ZNF407: variants seen among roughly 807,000 people sequenced by gnomAD.
ZNF407 encodes zinc finger protein 407.
In ZNF407, 17 loss-of-function variants were observed where a neutral mutation model predicts 131.2. That is an observed-to-expected ratio of 0.13 (90% CI 0.09 to 0.19). ZNF407 has a LOEUF of 0.19. ZNF407 is among the 10% of genes least tolerant of loss of function. The pLI, the probability that ZNF407 is intolerant of heterozygous loss-of-function variation, is 1.00. For synonymous variants in ZNF407, 1,156 were observed against 1,062.0 expected (o/e 1.09, Z -1.72); for missense variants, 2,681 against 2,830.6 (o/e 0.95, Z 1.20).
At chr18:74,946,658 T>C (rs1420021275) in intron 8 of ZNF407, among the ~76,000 whole-genome samples, 4 of 152,198 alleles carry the variant, frequency 2.6e-5, no homozygotes, top group African/African-American at 7.2e-5. Context: ...TTTCTTAGAT[T>C]GAAACTGAAA....
chr18:74,941,876 G>A (rs991659996), intron 8 of ZNF407, among the ~76,000 whole-genome samples: 9 of 152,164 alleles, frequency 5.9e-5, no homozygotes, highest in Non-Finnish European at 1.0e-4. Flanking sequence ...GTATTCCAGG[G>A]CTCGAGTTAT....
chr18:74,935,503 C>A (rs1972029831), intron 8 of ZNF407, among the ~76,000 whole-genome samples: 1 of 152,112 alleles, frequency 6.6e-6, no homozygotes, highest in Non-Finnish European at 1.5e-5. Context: ...ATAGAATCCC[C>A]CTCATGCACA....
chr18:74,680,277 C>T (rs1966951359), intron 3 of ZNF407, among the ~76,000 whole-genome samples: 1 of 151,832 alleles, frequency 6.6e-6, no homozygotes. Flanking sequence ...GGTATTGTGG[C>T]ACACACTTGT....
chr18:75,000,454 C>T (rs1247545852), intron 8 of ZNF407, among the ~76,000 whole-genome samples: 8 of 152,102 alleles, frequency 5.3e-5, no homozygotes, highest in East Asian at 1.9e-4. Context: ...TGGTCATATC[C>T]GTCAGGGCGT....
intron 4 of ZNF407, among the ~76,000 whole-genome samples, chr18:74,787,628 C>G (rs187563989): frequency 1.3e-5 from 2 of 152,276 alleles, no homozygotes; most frequent in African/African-American, 4.8e-5. Flanking sequence ...AATGCGACAT[C>G]AAATATCTGG....
intron 8 of ZNF407, among the ~76,000 whole-genome samples, chr18:74,953,792 C>G (rs1347290790): frequency 6.6e-6 from 1 of 152,204 alleles, no homozygotes; most frequent in Non-Finnish European, 1.5e-5. Flanking sequence ...GCCCCTTACT[C>G]CGATGTCATT....
At chr18:74,946,199 C>G (rs1169138582) in intron 8 of ZNF407, among the ~76,000 whole-genome samples, 1 of 152,152 alleles carries the variant, frequency 6.6e-6, no homozygotes, top group African/African-American at 2.4e-5. Flanking sequence ...GAAAAAGAAC[C>G]ATTTTAAACC....
rs1262694400 is a variant in ZNF407 at position 74,633,682 on chromosome 18, C to T, written c.2663C>T (p.Thr888Ile). Residue 888 changes from threonine to isoleucine, a missense_variant, in exon 2 of 9, where the codon ACT becomes ATT. Physicochemically the swap from Thr to Ile is moderately conservative, Grantham distance 89. Around this residue, in one of 6 missense-constraint regions of ZNF407, gnomAD observed 1,789 missense variants for 1,748.7 expected, o/e 1.02. Coordinates refer to ENST00000299687, the MANE Select transcript of ZNF407 (RefSeq NM_017757.3). ...SYLCKVCKYYTVTKGDMERHC... is the reference protein window; with the variant it reads ...SYLCKVCKYYIVTKGDMERHC... ...TTATGCAAAGTGTGTAAGTATTACA[C>T]TGTAACTAAGGGAGATATGGAACGT... 1 of 1,613,782 alleles carries T rather than the reference C, an allele frequency of 6.2e-7. No individual in the cohort carries two copies. The highest frequency in any genetic ancestry group is 1.3e-5 in the African/African-American group (1 of 74,890).
chr18:74,867,709 T>C lies in ZNF407; in HGVS notation c.4878-9488T>C, dbSNP rs1971033104. Among the ~76,000 whole-genome samples, 2 of 152,246 alleles carry C rather than the reference T, an allele frequency of 1.3e-5. 1 individual carries two copies. The highest frequency in any genetic ancestry group is 4.8e-5 in the African/African-American group (2 of 41,458). ...TATGCAGATATACCGTGTTTTTCCA[T>C]AATGTATGTTTTTACTAGTAAAATT... On this transcript the variant is annotated intron_variant, in intron 4 of 8. Coordinates refer to ENST00000299687, the MANE Select transcript of ZNF407 (RefSeq NM_017757.3).
At position 74,631,981 on chromosome 18, in the gene ZNF407, G is replaced by A. The variant is rs752592082; in HGVS notation, c.962G>A (p.Arg321Gln). 42 of 1,613,950 alleles carry A rather than the reference G, an allele frequency of 2.6e-5. No individual in the cohort carries two copies. Among genetic ancestry groups the A allele is most frequent in the Non-Finnish European group, 3.5e-5 (41 of 1,179,876 alleles). Reference protein sequence around the residue: ...IAKNSDSKGLRNVGSTFKDFR... With the variant: ...IAKNSDSKGLQNVGSTFKDFR... ...AAGAATAGTGATTCAAAAGGATTAC[G>A]AAATGTGGGAAGCACGTTTAAAGAT... The change falls in exon 2 of 9, where the codon CGA (arginine) becomes CAA (glutamine). Residue 321 changes from arginine (R) to glutamine (Q), a missense_variant. Physicochemically the swap from Arg to Gln is conservative, Grantham distance 43. Around this residue, in one of 6 missense-constraint regions of ZNF407, gnomAD observed 1,789 missense variants for 1,748.7 expected, o/e 1.02. Coordinates refer to ENST00000299687, the MANE Select transcript of ZNF407 (RefSeq NM_017757.3).
chr18:74,989,263 A>G (rs983079652), intron 8 of ZNF407, among the ~76,000 whole-genome samples: 1 of 152,228 alleles, frequency 6.6e-6, no homozygotes, highest in Non-Finnish European at 1.5e-5. Context: ...ATCTCTAGGG[A>G]CAGAAAGCAG....
intron 8 of ZNF407, among the ~76,000 whole-genome samples, chr18:74,994,141 G>C (rs944487231): frequency 1.3e-5 from 2 of 152,126 alleles, no homozygotes; most frequent in Non-Finnish European, 2.9e-5. Flanking sequence ...TTTGTGCATT[G>C]TTCTGTGGCT....
At chr18:74,947,042 G>C (rs1321176790) in intron 8 of ZNF407, among the ~76,000 whole-genome samples, 1 of 152,118 alleles carries the variant, frequency 6.6e-6, no homozygotes, top group Non-Finnish European at 1.5e-5. Context: ...TTGTCAATTT[G>C]ACTAGTAGAA....
intron 4 of ZNF407, among the ~76,000 whole-genome samples, chr18:74,816,071 G>A (rs1388081535): frequency 6.6e-6 from 1 of 152,152 alleles, no homozygotes; most frequent in Non-Finnish European, 1.5e-5. Flanking sequence ...CCAAATTCAT[G>A]ACTGAATGTA....
intron 3 of ZNF407, among the ~76,000 whole-genome samples, chr18:74,649,895 C>T (rs923776124): frequency 2.0e-5 from 3 of 152,306 alleles, no homozygotes; most frequent in Non-Finnish European, 4.4e-5. Flanking sequence ...GAGTGCCAAA[C>T]GTGGGAACTC....
At chr18:75,057,036 C>T (rs1244985801) in intron 8 of ZNF407, among the ~76,000 whole-genome samples, 1 of 152,116 alleles carries the variant, frequency 6.6e-6, no homozygotes, top group Non-Finnish European at 1.5e-5. Flanking sequence ...CATGTGTGTC[C>T]CAAATTTTTA....
At chr18:74,617,091 GCACCAA>G (rs1175402952) in intron 1 of ZNF407, among the ~76,000 whole-genome samples, 22 of 244 alleles carry the variant, frequency 0.09, no homozygotes, top group Non-Finnish European at 0.089. Flanking sequence ...CCATATCCAT[GCACCAA>G]CACATCCATA....
chr18:74,760,432 G>A (rs1194515381), intron 3 of ZNF407, among the ~76,000 whole-genome samples: 1 of 152,150 alleles, frequency 6.6e-6, no homozygotes, highest in Non-Finnish European at 1.5e-5. Flanking sequence ...GTATGTTGGA[G>A]CTTTTCTAAG....
At chr18:74,783,972 C>G (rs1969657939) in intron 4 of ZNF407, among the ~76,000 whole-genome samples, 1 of 152,144 alleles carries the variant, frequency 6.6e-6, no homozygotes, top group African/African-American at 2.4e-5. Flanking sequence ...CAGTAGACAC[C>G]TGTAGCTAGA....
Sources: gnomAD v4.1 joint callset for allele counts (sites outside exome capture counted in the v4.1 genomes callset) on GRCh38, gnomAD v4.1.1 for gene constraint, gnomAD v4.1.1 regional missense constraint, MANE v1.5 for transcripts, NCBI Gene and HGNC (gene_info 2026-07-23, HGNC 2026-07-21) for gene names.